The following PRKDC variants were observed in gnomAD, a reference collection of about 807,000 sequenced individuals.
PRKDC encodes the protein DNA-dependent protein kinase catalytic subunit.
In PRKDC, 82 loss-of-function variants were observed where a neutral mutation model predicts 486.9. That is an observed-to-expected ratio of 0.17 (90% CI 0.14 to 0.20). The LOEUF is 0.20. Among genes scored for constraint, PRKDC ranks in the 10% least tolerant of loss-of-function variants. The pLI, the probability that PRKDC is intolerant of heterozygous loss-of-function variation, is 1.00. For synonymous variants in PRKDC, 1,895 were observed against 1,837.0 expected, an observed-to-expected ratio of 1.03 and a Z score of -0.81; for missense variants, 4,504 against 5,038.2, an observed-to-expected ratio of 0.89 and a Z score of 3.21.
At chr8:47,901,861 ACAC>A (rs1482677620) in intron 27 of PRKDC, among the ~76,000 whole-genome samples, 2 of 152,168 alleles carry the variant, frequency 1.3e-5, no homozygotes, top group Non-Finnish European at 2.9e-5. Flanking sequence ...GAATGAATGA[ACAC>A]CACTACCTTA....
At position 47,902,708 on chromosome 8, in the gene PRKDC, T is replaced by C. The variant is rs2089710268; in HGVS notation, c.3130A>G (p.Ile1044Val). ...CTCTTCTCCTGCTGCTGTGGTGTTA[T>C]TTGCTTAATGGACCATTTAAGGAAT... is the stretch of plus-strand genomic sequence containing the variant. ...REFLKWSIKQ[I>V]TPQQQEKSPV... The change falls in exon 27 of 86, where the codon ATA (isoleucine) becomes GTA (valine). Residue 1044 changes from isoleucine (I) to valine (V), a missense_variant. This residue lies in a region of PRKDC where 1,969 missense variants were observed against 2,068.9 expected (regional missense o/e 0.95). Transcript: ENST00000314191. 1.9e-6 allele frequency: 3 copies of C among 1,613,924 alleles called. No individual in the cohort carries two copies. Among genetic ancestry groups the C allele is most frequent in the South Asian group, 1.1e-5 (1 of 91,056 alleles).
intron 40 of PRKDC, among the ~76,000 whole-genome samples, chr8:47,866,947 AG>A (rs1383471869): frequency 2.2e-4 from 33 of 152,162 alleles, no homozygotes; most frequent in Non-Finnish European, 4.1e-4. Context: ...TACGTTGCTC[AG>A]GCTGGTCTCA....
At chr8:47,939,456 A>G (rs1249802303) in intron 11 of PRKDC, 95 bp downstream of exon 11, 9 of 1,373,520 alleles carry the variant, frequency 6.6e-6, no homozygotes, top group African/African-American at 1.4e-5. Context: ...CTGTATTGTT[A>G]CAAGTATTAG....
At chr8:47,834,459 A>G in intron 58 of PRKDC, 63 bp from the exon 59 acceptor site, 3 of 1,535,758 alleles carry the variant, frequency 2.0e-6, no homozygotes, top group Non-Finnish European at 2.7e-6. Context: ...ACGGGGCAGG[A>G]CCACCTGCCA....
At chr8:47,778,932 A>C (rs2154497365) in intron 81 of PRKDC, 72 bp downstream of exon 81, 1 of 1,446,784 alleles carries the variant, frequency 6.9e-7, no homozygotes, top group South Asian at 1.3e-5. Context: ...CAAAGCTAAG[A>C]ATCAAAAGAA....
intron 56 of PRKDC, among the ~76,000 whole-genome samples, 168 bp downstream of exon 56, chr8:47,838,980 T>G (rs1224326129): frequency 6.6e-6 from 1 of 152,252 alleles, no homozygotes; most frequent in African/African-American, 2.4e-5. Context: ...AGCCTTACTC[T>G]TCATAATGTG....
chr8:47,783,291 GAAA>G (rs59564279), intron 78 of PRKDC, among the ~76,000 whole-genome samples: 1 of 87,198 alleles, frequency 1.1e-5, no homozygotes, highest in African/African-American at 4.2e-5. Flanking sequence ...AAAAAAAAAA[GAAA>G]AAAAAAAAAA....
At chr8:47,948,773 A>T (rs1319998714) in intron 7 of PRKDC, among the ~76,000 whole-genome samples, 1 of 152,070 alleles carries the variant, frequency 6.6e-6, no homozygotes, top group Non-Finnish European at 1.5e-5. Context: ...TGGGTGCCTT[A>T]TATATATGTA....
At chr8:47,867,715 G>C (rs2088849713) in intron 40 of PRKDC, among the ~76,000 whole-genome samples, 1 of 152,050 alleles carries the variant, frequency 6.6e-6, no homozygotes, top group Non-Finnish European at 1.5e-5. Context: ...CTGTAAAACA[G>C]AAAAAAGAAT....
rs748026805 is a variant in PRKDC, at chr8:47,837,250, G to T, written c.7723C>A (p.Pro2575Thr). Residue 2575 changes from proline (P) to threonine (T), a missense_variant, in exon 57 of 86, where the codon CCC (proline) becomes ACC (threonine). Coordinates refer to ENST00000314191, the MANE Select transcript of PRKDC (RefSeq NM_006904.7). ...MTSMSPDYPN[P>T]MFEHPLSECE... ...TCTGACAGAGGATGCTCGAACATGG[G>T]GTTTGGATAATCTGGGCTCATGCTG... 1.2e-5 allele frequency: 20 copies of T among 1,613,864 alleles called. No homozygotes were observed. Among genetic ancestry groups the T allele is most frequent in the Admixed American group, 3.3e-5 (2 of 60,000 alleles).
intron 85 of PRKDC, among the ~76,000 whole-genome samples, chr8:47,775,766 T>TA (rs1170309526): frequency 6.6e-6 from 1 of 151,766 alleles, no homozygotes; most frequent in African/African-American, 2.4e-5. Context: ...GTGTCATACC[T>TA]AAAAAATGGC....
At position 47,904,817 on chromosome 8, in the gene PRKDC, C is replaced by G. The variant is rs886505579; in HGVS notation, c.3042+52G>C. 7 of 1,323,116 alleles carry G rather than the reference C, an allele frequency of 5.3e-6. No individual in the cohort carries two copies. In the Admixed American group the frequency reaches 1.2e-4, roughly 22 times the overall value. The allele number at this position is 1,323,116 out of a possible 1,614,324, so 82.0% of individuals were successfully genotyped here. A position where few individuals can be genotyped will look rare whatever the true frequency, so the allele number is the denominator to read the frequency against. On this transcript the variant is annotated intron_variant, in intron 26 of 85. Coordinates refer to ENST00000314191, the MANE Select transcript of PRKDC (RefSeq NM_006904.7). ...AAAACATAAATAAATAAACAAACAT[C>G]AAATACAACTAATCGATGGGAGTAA...
At position 47,862,550 on chromosome 8, in the gene PRKDC, A is replaced by T. The variant is rs746989800; in HGVS notation, c.5751-9T>A. On this transcript the variant is annotated splice_polypyrimidine_tract_variant and intron_variant, in intron 42 of 85. Coordinates refer to ENST00000314191, the MANE Select transcript of PRKDC (RefSeq NM_006904.7). Reference sequence around the variant, plus strand: ...ATGCATCGTAGCACAATCTGCAGAGAGATCCATGTGACAAATCAATTCACA... The same window carrying T: ...ATGCATCGTAGCACAATCTGCAGAGTGATCCATGTGACAAATCAATTCACA... 6.3e-7 allele frequency: 1 copy of T among 1,591,452 alleles called. No homozygotes were observed. The highest frequency in any genetic ancestry group is 1.1e-5 in the South Asian group (1 of 88,818).
intron 31 of PRKDC, 118 bp from the exon 32 acceptor site, chr8:47,890,598 T>C: frequency 1.5e-6 from 1 of 670,494 alleles, no homozygotes; most frequent in Non-Finnish European, 2.4e-6. Context: ...TTCAAAATTT[T>C]TCAAAAGAAA....
Position 47,782,097 on chromosome 8 carries a change from G to A in PRKDC, c.11489+65C>T, listed in dbSNP as rs1340384348. On this transcript the variant is annotated intron_variant, in intron 80 of 85. Coordinates refer to ENST00000314191, the MANE Select transcript of PRKDC (RefSeq NM_006904.7). The surrounding 1 kb of genome is among the most constrained non-coding windows in gnomAD (Gnocchi z 4.9). ...TCTCGAGCGCGCCTGTCACGGCCCC[G>A]ACCTGCCACTGGAGAAGTGAGGGGA... 41 of 1,468,718 alleles carry A rather than the reference G, an allele frequency of 2.8e-5. No homozygotes were observed. In the Admixed American group the frequency reaches 4.8e-4, roughly 17 times the overall value. 91.0% of individuals were successfully genotyped at this position (1,468,718 alleles called of 1,614,324 possible).
chr8:47,883,250 A>C (rs912297801), intron 36 of PRKDC, among the ~76,000 whole-genome samples: 6 of 152,200 alleles, frequency 3.9e-5, no homozygotes, highest in South Asian at 4.1e-4. Flanking sequence ...CAAGTCTTGC[A>C]ATGTCCACAC....
chr8:47,879,784 A>G (rs1443959636), intron 38 of PRKDC, 126 bp from the exon 39 acceptor site: 1 of 708,612 alleles, frequency 1.4e-6, no homozygotes, highest in African/African-American at 1.9e-5. Flanking sequence ...GCTTCACCAT[A>G]ATTTCTAAAT....
At chr8:47,783,639 G>T in intron 78 of PRKDC, 103 bp downstream of exon 78, 3 of 1,090,270 alleles carry the variant, frequency 2.8e-6, no homozygotes, top group Non-Finnish European at 4.1e-6. Flanking sequence ...ATATATCTGT[G>T]ATCAACATGG....
chr8:47,869,375 A>G (rs560271673), intron 40 of PRKDC, among the ~76,000 whole-genome samples: 3 of 151,426 alleles, frequency 2.0e-5, no homozygotes, highest in South Asian at 4.2e-4. Flanking sequence ...TGAGTCCCTC[A>G]CTCCAGGTCC....
Sources: gnomAD v4.1 joint callset for allele counts (sites outside exome capture counted in the v4.1 genomes callset) on GRCh38, gnomAD v4.1.1 for gene constraint, gnomAD v4.1.1 regional missense constraint, Gnocchi (gnomAD v3.1) non-coding constraint, MANE v1.5 for transcripts, NCBI Gene and HGNC (gene_info 2026-07-23, HGNC 2026-07-21) for gene names.